The following RP1 variants were observed in gnomAD, a reference collection of about 807,000 sequenced individuals.
The protein encoded by RP1 is RP1 axonemal microtubule associated, also known as oxygen-regulated protein 1.
Under a neutral mutation model 14.8 loss-of-function variants are expected in RP1, and 16 were observed. The ratio of observed to expected loss-of-function variants is 1.08; its 90% CI spans 0.73 to 1.65. The LOEUF is 1.65. RP1 is among the 40% of genes most tolerant of loss of function. The pLI is 0.00. For synonymous variants in RP1, 876 were observed against 883.6 expected (o/e 0.99, Z 0.15); for missense variants, 2,631 against 2,535.0 (o/e 1.04, Z -0.81).
intron 5 of RP1, among the ~76,000 whole-genome samples, chr8:54,655,054 C>T (rs1449025939): frequency 6.6e-6 from 1 of 152,142 alleles, no homozygotes; most frequent in Non-Finnish European, 1.5e-5. Context: ...AAAATAACAC[C>T]TCACTGAAGC....
Position 54,775,623 on chromosome 8 carries a change from A to G in RP1, c.3451+5456A>G, listed in dbSNP as rs116051710. Among the ~76,000 whole-genome samples, 164 of 152,296 alleles carry G rather than the reference A, an allele frequency of 1.1e-3. 1 individual carries two copies. The highest frequency in any genetic ancestry group is 3.8e-3 in the African/African-American group (160 of 41,568). On this transcript the variant is annotated intron_variant, in intron 23 of 28. Coordinates refer to the RP1 transcript ENST00000637698. ...CAGCTGAACTGCCCCAGTTGACACT[A>G]TGTGGAGCAGAGATAATCCTTCCCT...
intron 12 of RP1, among the ~76,000 whole-genome samples, chr8:54,686,440 G>T (rs1362999892): frequency 2.0e-5 from 3 of 149,636 alleles, no homozygotes; most frequent in African/African-American, 7.4e-5. Flanking sequence ...TTATTCAGCT[G>T]CTTGTGAATT....
At chr8:54,775,302 G>A (rs1585681253) in intron 23 of RP1, among the ~76,000 whole-genome samples, 1 of 152,258 alleles carries the variant, frequency 6.6e-6, no homozygotes, top group South Asian at 2.1e-4. Context: ...GAATCAACTT[G>A]GGCAGACATT....
chr8:54,627,786 G>T lies in RP1; in HGVS notation c.3904G>T (p.Val1302Phe). The T allele has an allele frequency of 6.2e-7, 1 of 1,614,132 alleles. No homozygotes were observed. The highest frequency in any genetic ancestry group is 8.5e-7 in the Non-Finnish European group (1 of 1,179,980). ...SMNKACFLGE[V>F]CSLTDTVFSD... The stretch of plus-strand genomic sequence containing the variant: ...GAATAAGGCTTGTTTCCTAGGAGAG[G>T]TCTGTTCACTTACTGATACTGTGTT... Residue 1302 changes from valine to phenylalanine, a missense_variant, in exon 4 of 4, where the codon GTC (valine) becomes TTC (phenylalanine). Physicochemically the swap from Val to Phe is conservative, Grantham distance 50. Coordinates refer to ENST00000220676, the MANE Select transcript of RP1 (RefSeq NM_006269.2).
intron 22 of RP1, among the ~76,000 whole-genome samples, chr8:54,760,004 G>T (rs530975898): frequency 1.5e-4 from 23 of 152,244 alleles, no homozygotes; most frequent in African/African-American, 5.5e-4. Flanking sequence ...CAAGGGTTCG[G>T]ATTTAGCCAA....
At chr8:54,648,551 A>C (rs2129324958) in intron 3 of RP1, among the ~76,000 whole-genome samples, 1 of 152,224 alleles carries the variant, frequency 6.6e-6, no homozygotes, top group Non-Finnish European at 1.5e-5. Context: ...TTATTATATA[A>C]ATTTTTATTT....
exon 25 of RP1, chr8:54,837,629 G>A (rs1320778270): frequency 1.6e-6 from 2 of 1,231,998 alleles, no homozygotes; most frequent in Non-Finnish European, 2.0e-6. Context: ...ATCTATGGAA[G>A]GAAATACCCA....
chr8:54,610,624 A>C (rs1805568577), intron 1 of RP1, among the ~76,000 whole-genome samples: 1 of 152,166 alleles, frequency 6.6e-6, no homozygotes, highest in Admixed American at 6.5e-5. Context: ...GGTCCTCTCC[A>C]TCTGAATAAT....
intron 26 of RP1, chr8:54,856,985 G>A (rs1812218044): frequency 1.6e-6 from 1 of 630,306 alleles, no homozygotes; most frequent in African/African-American, 1.9e-5. Flanking sequence ...CTAGAGAAAG[G>A]AAATATCCTA....
At chr8:54,767,603 A>G (rs2129373162) in intron 22 of RP1, among the ~76,000 whole-genome samples, 1 of 152,190 alleles carries the variant, frequency 6.6e-6, no homozygotes, top group South Asian at 2.1e-4. Flanking sequence ...CAGGTGATCC[A>G]TCTGCCTTGG....
chr8:54,576,188 G>T (rs557694167), intron 1 of RP1, among the ~76,000 whole-genome samples: 3 of 152,062 alleles, frequency 2.0e-5, no homozygotes, highest in Non-Finnish European at 2.9e-5. Flanking sequence ...CTACAGGCGC[G>T]CGCCACCACG....
intron 12 of RP1, among the ~76,000 whole-genome samples, chr8:54,686,854 A>G (rs2129337814): frequency 6.6e-6 from 1 of 152,246 alleles, no homozygotes; most frequent in African/African-American, 2.4e-5. Flanking sequence ...GACTTTCAAG[A>G]GAAAAAATTT....
chr8:54,674,304 A>G lies in RP1; in HGVS notation c.1402+376A>G, dbSNP rs144916882. ...TTCCTTGAAGGCTACTGATTGTCCA[A>G]CAGCGGCACGTTAAGGAGACTGTCC... On this transcript the variant is annotated intron_variant, in intron 8 of 22. Transcript: ENST00000636932. Among the ~76,000 whole-genome samples the G allele has an allele frequency of 1.6e-4, 25 of 152,228 alleles. No individual in the cohort carries two copies. The East Asian group carries it at 4.4e-3, about 27-fold the overall frequency.
chr8:54,633,730 TC>T (rs1806293842), downstream of RP1, among the ~76,000 whole-genome samples: 1 of 137,352 alleles, frequency 7.3e-6, no homozygotes, highest in Non-Finnish European at 1.5e-5. Flanking sequence ...TCTCTCTCTC[TC>T]TCTCTCTATA....
chr8:54,827,724 C>A (rs35437743), intron 24 of RP1, among the ~76,000 whole-genome samples: 1 of 151,704 alleles, frequency 6.6e-6, no homozygotes. Flanking sequence ...ACGGTGAAAC[C>A]CTGTCTCTAC....
chr8:54,849,904 C>T (rs913700768), intron 25 of RP1, among the ~76,000 whole-genome samples: 3 of 151,952 alleles, frequency 2.0e-5, no homozygotes, highest in Non-Finnish European at 2.9e-5. Context: ...ACATTGCAAA[C>T]AAAAGTGAAA....
At chr8:54,811,962 A>G (rs1355970421) in intron 24 of RP1, among the ~76,000 whole-genome samples, 5 of 152,236 alleles carry the variant, frequency 3.3e-5, no homozygotes, top group African/African-American at 1.2e-4. Context: ...TAATTAAATA[A>G]AAACATTGTA....
At chr8:54,796,922 G>A (rs1275267126) in intron 24 of RP1, among the ~76,000 whole-genome samples, 1 of 152,142 alleles carries the variant, frequency 6.6e-6, no homozygotes, top group Non-Finnish European at 1.5e-5. Context: ...CCTTTCAAAA[G>A]AGCCATTTTA....
rs546625124 is a variant in RP1 at position 54,625,398 on chromosome 8, A to G, written c.1516A>G (p.Ser506Gly). Residue 506 changes from serine (S) to glycine (G), a missense_variant, in exon 4 of 4, where the codon AGT becomes GGT. By Grantham distance (56) the Ser-to-Gly change is moderately conservative. Transcript: ENST00000220676. ...GTATCACATGTTTACACATTCTTGCAGTAAAATGTCATCAGTATCTAACAA... is the reference window on the plus strand; with the variant it reads ...GTATCACATGTTTACACATTCTTGCGGTAAAATGTCATCAGTATCTAACAA... ...SEYHMFTHSC[S>G]KMSSVSNKPV... 1.1e-5 allele frequency: 18 copies of G among 1,614,064 alleles called. No homozygotes were observed. The South Asian group carries it at 1.6e-4, about 15-fold the overall frequency.
Sources: allele counts gnomAD v4.1 joint callset (sites outside exome capture counted in the v4.1 genomes callset), GRCh38; gene constraint gnomAD v4.1.1; transcripts MANE v1.5; gene names NCBI Gene and HGNC (gene_info 2026-07-23, HGNC 2026-07-21).